Variants in CDC42BPA observed in about 807,000 individuals in gnomAD.
CDC42BPA encodes the protein serine/threonine-protein kinase MRCK alpha.
A neutral mutation model predicts 223.5 loss-of-function variants in CDC42BPA; 80 were observed. The observed-to-expected ratio is 0.36, with a 90% CI of 0.30 to 0.43. The LOEUF is 0.43. CDC42BPA is among the 20% of genes least tolerant of loss of function. The pLI is 1.00. For missense variants in CDC42BPA, 1,743 were observed against 2,099.9 expected, an observed-to-expected ratio of 0.83 and a Z score of 3.32; for synonymous variants, 694 against 718.6, an observed-to-expected ratio of 0.97 and a Z score of 0.55.
intron 21 of CDC42BPA, among the ~76,000 whole-genome samples, chr1:227,060,002 G>C (rs556502935): frequency 7.4e-5 from 11 of 148,674 alleles, no homozygotes; most frequent in African/African-American, 2.7e-4. Context: ...AGGAAAAAAG[G>C]AACAATTATC....
At chr1:227,242,430 A>C (rs1680183368) in intron 2 of CDC42BPA, among the ~76,000 whole-genome samples, 1 of 152,108 alleles carries the variant, frequency 6.6e-6, no homozygotes, top group African/African-American at 2.4e-5. Context: ...TAGAGGAAAA[A>C]GAAATAAAAG....
At chr1:227,055,831 A>C (rs1408298084) in intron 21 of CDC42BPA, among the ~76,000 whole-genome samples, 1 of 151,834 alleles carries the variant, frequency 6.6e-6, no homozygotes, top group African/African-American at 2.4e-5. Context: ...TTAAGGTGTT[A>C]CTCTGACGAA....
chr1:227,256,671 A>T (rs1352489268), intron 1 of CDC42BPA, among the ~76,000 whole-genome samples: 1 of 152,160 alleles, frequency 6.6e-6, no homozygotes, highest in Non-Finnish European at 1.5e-5. Context: ...GAGGATGTGG[A>T]GAAACTGGAA....
chr1:227,143,289 G>C (rs1660040489), intron 8 of CDC42BPA, among the ~76,000 whole-genome samples: 1 of 152,118 alleles, frequency 6.6e-6, no homozygotes, highest in Non-Finnish European at 1.5e-5. Context: ...TTCTGTATTT[G>C]CAAATTTGTG....
In CDC42BPA at chr1:227,261,985, A is replaced by G. The variant is rs548494123; in HGVS notation, c.179-7830T>C. On this transcript the variant is annotated intron_variant, in intron 1 of 36. Coordinates refer to ENST00000366766, the MANE Select transcript of CDC42BPA (RefSeq NM_001394014.1). ...GTTCCTATCCCACAGAAGCAAAAGC[A>G]TTCAGAGGGAAAGGAACTCATCCCA... Among the ~76,000 whole-genome samples the G allele has an allele frequency of 2.0e-5, 3 of 152,288 alleles. No homozygotes were observed. In the South Asian group the frequency reaches 6.2e-4, roughly 32 times the overall value.
chr1:227,182,620 G>T (rs555368207), intron 5 of CDC42BPA, among the ~76,000 whole-genome samples: 1 of 152,178 alleles, frequency 6.6e-6, no homozygotes, highest in African/African-American at 2.4e-5. Context: ...ATTAGTGTTA[G>T]ACTAGACCTT....
At chr1:227,163,168 A>T (rs1485223834) in intron 5 of CDC42BPA, among the ~76,000 whole-genome samples, 1 of 151,786 alleles carries the variant, frequency 6.6e-6, no homozygotes, top group African/African-American at 2.4e-5. Flanking sequence ...ATGTGTGTAT[A>T]TGTTTCCAAA....
intron 6 of CDC42BPA, among the ~76,000 whole-genome samples, chr1:227,156,128 TTTG>T (rs1474497483): frequency 1.3e-4 from 9 of 70,460 alleles, no homozygotes; most frequent in African/African-American, 1.8e-4. Flanking sequence ...TAGTTTTTTT[TTTG>T]TTTTTATTTA....
chr1:227,272,543 G>A (rs1374535094), intron 1 of CDC42BPA, among the ~76,000 whole-genome samples: 3 of 152,004 alleles, frequency 2.0e-5, no homozygotes, highest in Admixed American at 1.3e-4. Flanking sequence ...TTACAATATA[G>A]TAAGAAAAAA....
intron 1 of CDC42BPA, among the ~76,000 whole-genome samples, chr1:227,307,151 G>C (rs4292922): frequency 4.0e-5 from 6 of 151,830 alleles, no homozygotes; most frequent in Admixed American, 3.9e-4. Context: ...AAACCAAGAA[G>C]TGCACATATA....
intron 3 of CDC42BPA, among the ~76,000 whole-genome samples, chr1:227,208,145 T>C (rs1409849717): frequency 2.1e-5 from 3 of 145,704 alleles, no homozygotes; most frequent in East Asian, 2.0e-4. Flanking sequence ...CATGTGTTTT[T>C]TGGCTGCATA....
intron 7 of CDC42BPA, among the ~76,000 whole-genome samples, chr1:227,147,011 T>C (rs1318968559): frequency 1.3e-5 from 2 of 152,202 alleles, no homozygotes; most frequent in Admixed American, 6.6e-5. Context: ...TAAATTTGTA[T>C]TGCACTTATT....
At chr1:227,138,168 G>C (rs924433821) in intron 10 of CDC42BPA, among the ~76,000 whole-genome samples, 1 of 152,042 alleles carries the variant, frequency 6.6e-6, no homozygotes, top group Non-Finnish European at 1.5e-5. Flanking sequence ...CTAAAAGTAT[G>C]ACAGTAAAGT....
chr1:227,313,331 T>C (rs906932482), intron 1 of CDC42BPA, among the ~76,000 whole-genome samples: 25 of 152,210 alleles, frequency 1.6e-4, no homozygotes, highest in Admixed American at 9.8e-4. Context: ...TATTCCATCA[T>C]GAATGCCAGT....
chr1:227,080,766 CA>C, intron 17 of CDC42BPA, 126 bp downstream of exon 17: 1 of 1,071,060 alleles, frequency 9.3e-7, no homozygotes, highest in Non-Finnish European at 1.4e-6. Context: ...CTGTGCTTTT[CA>C]GAGTAACTTA....
At chr1:227,033,949 A>AT (rs1181395123) in intron 26 of CDC42BPA, among the ~76,000 whole-genome samples, 1 of 151,950 alleles carries the variant, frequency 6.6e-6, no homozygotes, top group African/African-American at 2.4e-5. Context: ...GTTCTATCAG[A>AT]TTTTTCTTGC....
chr1:227,080,598 C>T (rs1680437365), intron 17 of CDC42BPA, among the ~76,000 whole-genome samples: 1 of 151,950 alleles, frequency 6.6e-6, no homozygotes, highest in African/African-American at 2.4e-5. Flanking sequence ...AGATGAATTC[C>T]AACTTTGACT....
intron 10 of CDC42BPA, among the ~76,000 whole-genome samples, chr1:227,130,931 C>T (rs1656971284): frequency 6.6e-6 from 1 of 152,168 alleles, no homozygotes; most frequent in African/African-American, 2.4e-5. Context: ...CTGTACCCCA[C>T]CTACCACAGG....
chr1:227,206,412 C>CT (rs1352978392), intron 3 of CDC42BPA, among the ~76,000 whole-genome samples: 2 of 152,118 alleles, frequency 1.3e-5, no homozygotes, highest in Non-Finnish European at 2.9e-5. Flanking sequence ...TTCCTAGCAC[C>CT]TTTGAGTAAC....
Sources: gnomAD v4.1 joint callset for allele counts (sites outside exome capture counted in the v4.1 genomes callset) on GRCh38, gnomAD v4.1.1 for gene constraint, MANE v1.5 for transcripts, NCBI Gene and HGNC (gene_info 2026-07-23, HGNC 2026-07-21) for gene names.